Variants in CNTNAP2 observed in about 807,000 individuals in gnomAD.
CNTNAP2 encodes the protein contactin-associated protein-like 2.
Under a neutral mutation model 155.2 loss-of-function variants are expected in CNTNAP2, and 98 were observed. The ratio of observed to expected loss-of-function variants is 0.63; its 90% CI spans 0.54 to 0.75. CNTNAP2 has a LOEUF of 0.75. Ranked by LOEUF, CNTNAP2 falls within the 30% of genes least tolerant of loss-of-function variation. The pLI, the probability that CNTNAP2 is intolerant of heterozygous loss-of-function variation, is 0.00. For missense variants in CNTNAP2, 1,727 were observed against 1,688.1 expected (o/e 1.02, Z -0.40); for synonymous variants, 651 against 631.2 (o/e 1.03, Z -0.47).
intron 17 of CNTNAP2, among the ~76,000 whole-genome samples, chr7:148,153,881 G>A (rs923465638): frequency 1.2e-4 from 19 of 152,216 alleles, no homozygotes; most frequent in African/African-American, 4.3e-4. Context: ...GACAGGGTTA[G>A]CATGCAGCAA....
intron 3 of CNTNAP2, among the ~76,000 whole-genome samples, chr7:146,921,510 G>C (rs180771872): frequency 2.6e-5 from 4 of 152,154 alleles, no homozygotes; most frequent in South Asian, 4.1e-4. Flanking sequence ...GGGTTTAATC[G>C]ACTCACAGTT....
chr7:148,326,054 ACT>A (rs1338526071), intron 21 of CNTNAP2, among the ~76,000 whole-genome samples: 1 of 151,850 alleles, frequency 6.6e-6, no homozygotes, highest in Non-Finnish European at 1.5e-5. Flanking sequence ...ACTGCAAATT[ACT>A]GCCACGTGGG....
rs2116924229 is a variant in CNTNAP2, at chr7:147,639,262, A to G, written c.2054A>G (p.Tyr685Cys). Residue 685 changes from tyrosine (Y) to cysteine (C), a missense_variant, in exon 13 of 24, where the codon TAT (tyrosine) becomes TGT (cysteine). Transcript: ENST00000361727. ...GACAGTGCCGAGTACTGCGAGCAGT[A>G]TGTCTCCTATTTCTGCAAGATGTCA... ...ITDSAEYCEQYVSYFCKMSRL... is the reference protein window; with the variant it reads ...ITDSAEYCEQCVSYFCKMSRL... The G allele has an allele frequency of 3.1e-6, 5 of 1,614,096 alleles. No homozygotes were observed. Among genetic ancestry groups the G allele is most frequent in the Non-Finnish European group, 4.2e-6 (5 of 1,179,986 alleles).
chr7:147,718,999 G>T (rs898528526), intron 13 of CNTNAP2, among the ~76,000 whole-genome samples: 2 of 152,120 alleles, frequency 1.3e-5, no homozygotes, highest in Non-Finnish European at 2.9e-5. Context: ...TCTGTTAACA[G>T]GGAGTTCTTA....
chr7:146,825,088 A>C (rs1803375242), intron 2 of CNTNAP2, among the ~76,000 whole-genome samples: 1 of 151,922 alleles, frequency 6.6e-6, no homozygotes, highest in Non-Finnish European at 1.5e-5. Context: ...GTGTGTGTGT[A>C]CTTATCCTAA....
At chr7:147,447,956 A>C (rs1204282951) in intron 10 of CNTNAP2, among the ~76,000 whole-genome samples, 1 of 152,118 alleles carries the variant, frequency 6.6e-6, no homozygotes, top group Non-Finnish European at 1.5e-5. Flanking sequence ...AACATAAACA[A>C]TTTTTATAGG....
chr7:146,784,230 A>C (rs1360891271), intron 2 of CNTNAP2, among the ~76,000 whole-genome samples: 1 of 152,120 alleles, frequency 6.6e-6, no homozygotes, highest in African/African-American at 2.4e-5. Flanking sequence ...TTTGCTATTG[A>C]GAAAATCATG....
At chr7:147,389,825 C>A (rs1796678976) in intron 9 of CNTNAP2, among the ~76,000 whole-genome samples, 1 of 152,140 alleles carries the variant, frequency 6.6e-6, no homozygotes, top group Non-Finnish European at 1.5e-5. Context: ...ATTCCAAATT[C>A]ATAGAAATTC....
intron 14 of CNTNAP2, among the ~76,000 whole-genome samples, chr7:147,917,835 G>A (rs907010994): frequency 6.6e-6 from 1 of 152,176 alleles, no homozygotes; most frequent in Non-Finnish European, 1.5e-5. Context: ...CCAGACTCCT[G>A]CAGTTCTGGA....
intron 1 of CNTNAP2, among the ~76,000 whole-genome samples, chr7:146,625,281 A>G (rs942351713): frequency 2.0e-5 from 3 of 151,854 alleles, no homozygotes; most frequent in African/African-American, 4.8e-5. Context: ...AGGACATGAG[A>G]CAAGAAATAA....
chr7:147,080,478 G>T (rs1158367833), intron 4 of CNTNAP2, among the ~76,000 whole-genome samples: 1 of 151,210 alleles, frequency 6.6e-6, no homozygotes, highest in African/African-American at 2.4e-5. Context: ...TATGATGAAA[G>T]AATTTTAAAA....
At chr7:147,294,922 AGTGCTG>A (rs1293990266) in intron 8 of CNTNAP2, among the ~76,000 whole-genome samples, 1 of 152,186 alleles carries the variant, frequency 6.6e-6, no homozygotes, top group Non-Finnish European at 1.5e-5. Flanking sequence ...GGCCTCCCAT[AGTGCTG>A]GGATTGCAGG....
intron 9 of CNTNAP2, among the ~76,000 whole-genome samples, chr7:147,302,083 G>A: frequency 6.6e-6 from 1 of 152,166 alleles, no homozygotes; most frequent in Non-Finnish European, 1.5e-5. Context: ...TCTTATGAGT[G>A]AATGAACTGG....
At chr7:146,862,523 C>T (rs1012749992) in intron 3 of CNTNAP2, among the ~76,000 whole-genome samples, 1 of 152,130 alleles carries the variant, frequency 6.6e-6, no homozygotes, top group South Asian at 2.1e-4. Context: ...GCTAATGACA[C>T]TCAATGCAAA....
chr7:146,667,699 A>G (rs1291038896), intron 1 of CNTNAP2, among the ~76,000 whole-genome samples: 7 of 132,496 alleles, frequency 5.3e-5, no homozygotes, highest in Non-Finnish European at 1.1e-4. Flanking sequence ...CCTTGGATAA[A>G]TTCACTTTTA....
At chr7:147,475,657 A>C (rs755162708) in intron 10 of CNTNAP2, among the ~76,000 whole-genome samples, 113 of 152,182 alleles carry the variant, frequency 7.4e-4, no homozygotes, top group Non-Finnish European at 1.4e-3. Context: ...ATATGTAGTC[A>C]AATTTATTAA....
At chr7:147,443,635 A>G (rs1369487650) in intron 10 of CNTNAP2, among the ~76,000 whole-genome samples, 1 of 152,112 alleles carries the variant, frequency 6.6e-6, no homozygotes, top group Non-Finnish European at 1.5e-5. Flanking sequence ...TCTAATTTGT[A>G]ACATTTTTTT....
intron 1 of CNTNAP2, among the ~76,000 whole-genome samples, chr7:146,186,376 C>T (rs1416906269): frequency 6.6e-6 from 1 of 152,100 alleles, no homozygotes; most frequent in African/African-American, 2.4e-5. Context: ...TCTTACTGTA[C>T]ACTTTCCCTC....
intron 4 of CNTNAP2, among the ~76,000 whole-genome samples, chr7:147,099,431 T>G (rs1800611336): frequency 1.3e-5 from 2 of 152,074 alleles, no homozygotes; most frequent in Admixed American, 1.3e-4. Flanking sequence ...GTTGAAGCCA[T>G]GGCAGCTCCA....
Sources: gnomAD v4.1 joint callset for allele counts (sites outside exome capture counted in the v4.1 genomes callset) on GRCh38, gnomAD v4.1.1 for gene constraint, MANE v1.5 for transcripts, NCBI Gene and HGNC (gene_info 2026-07-23, HGNC 2026-07-21) for gene names.